The following TSEN2 variants were observed in gnomAD, a reference collection of about 807,000 sequenced individuals.
TSEN2 encodes the protein tRNA splicing endonuclease subunit 2.
A neutral mutation model predicts 59.2 loss-of-function variants in TSEN2; 54 were observed. The ratio of observed to expected loss-of-function variants is 0.91; its 90% confidence interval spans 0.73 to 1.14. TSEN2 has a LOEUF of 1.14. Ranked by LOEUF, TSEN2 falls within the 50% of genes most tolerant of loss-of-function variation. TSEN2 has a pLI of 0.00. For synonymous variants in TSEN2, 195 were observed against 198.2 expected (o/e 0.98, Z 0.14); for missense variants, 636 against 576.2 (o/e 1.10, Z -1.06).
rs571742651 is a variant in TSEN2, at chr3:12,501,932, A to G, written c.309-1330A>G. On this transcript the variant is annotated intron_variant, in intron 4 of 11. Transcript: ENST00000284995. The stretch of plus-strand genomic sequence containing the variant: ...AGCCTAGGCATGAATGCTTTGCCCT[A>G]TTGTTTTGCCTATAATTTTTTGTAA... Among the ~76,000 whole-genome samples the G allele has an allele frequency of 3.3e-5, 5 of 152,290 alleles. No individual in the cohort carries two copies. The East Asian group carries it at 5.8e-4, about 18-fold the overall frequency.
intron 3 of TSEN2, among the ~76,000 whole-genome samples, chr3:12,493,534 C>T (rs2053442181): frequency 6.6e-6 from 1 of 152,206 alleles, no homozygotes; most frequent in East Asian, 1.9e-4. Flanking sequence ...CGAGACTAGC[C>T]TGACCAAGAT....
At chr3:12,514,952 AAGTC>A (rs528424144) in intron 6 of TSEN2, 171 of 152,312 alleles carry the variant, frequency 1.1e-3, no homozygotes, top group African/African-American at 3.9e-3. Context: ...AATTTCCTGA[AAGTC>A]AGCTAGATTC....
At chr3:12,520,051 G>A (rs1034737017) in intron 8 of TSEN2, among the ~76,000 whole-genome samples, 4 of 150,996 alleles carry the variant, frequency 2.6e-5, no homozygotes, top group Non-Finnish European at 5.9e-5. Flanking sequence ...AGGCTGGAGT[G>A]CCAGTGGCAC....
intron 8 of TSEN2, among the ~76,000 whole-genome samples, chr3:12,520,020 C>T (rs1414508482): frequency 1.3e-4 from 20 of 149,578 alleles, no homozygotes; most frequent in Middle Eastern, 3.4e-3. Context: ...TTTTTTGAGA[C>T]GGAGTCTCGC....
At position 12,490,432 on chromosome 3, in the gene TSEN2, G is replaced by A. The variant is rs2124931147; in HGVS notation, c.189+443G>A. 2.0e-5 allele frequency among the ~76,000 whole-genome samples: 3 copies of A among 152,286 alleles called. No homozygotes were observed. In the South Asian group the frequency reaches 6.2e-4, roughly 32 times the overall value. ...ACGGATCAGATGGGGCTTTGGCATG[G>A]AGCTCCTTATCTGCTGCCTCCTGGT... is the stretch of plus-strand genomic sequence containing the variant. On this transcript the variant is annotated intron_variant, in intron 2 of 11. Coordinates refer to ENST00000284995, the MANE Select transcript of TSEN2 (RefSeq NM_025265.4).
Position 12,503,244 on chromosome 3 carries a change from A to C in TSEN2, c.309-18A>C. 2 of 1,614,134 alleles carry C rather than the reference A, an allele frequency of 1.2e-6. No individual in the cohort carries two copies. Among genetic ancestry groups the C allele is most frequent in the Non-Finnish European group, 1.7e-6 (2 of 1,180,014 alleles). ...TTGAAATTCGAGTGCTGTTTCTAAC[A>C]GTATTTCTGTCTTGCAGGTATCAGC... On this transcript the variant is annotated intron_variant, in intron 4 of 11. Transcript: ENST00000284995.
At position 12,532,581 on chromosome 3, in the gene TSEN2, G is replaced by A. The variant is rs1272368039; in HGVS notation, c.1339-81G>A. On this transcript the variant is annotated intron_variant, in intron 11 of 11. Coordinates refer to ENST00000284995, the MANE Select transcript of TSEN2 (RefSeq NM_025265.4). ...TTATATAGACCGCCCTTTGTGAAAT[G>A]TAGCTGTGGTGTCAGCTGTGGTGTC... 4 of 1,357,498 alleles carry A rather than the reference G, an allele frequency of 2.9e-6. No individual in the cohort carries two copies. The East Asian group carries it at 6.9e-5, about 23-fold the overall frequency. 84.1% of individuals were successfully genotyped at this position (1,357,498 alleles called of 1,614,324 possible).
At chr3:12,514,988 G>A (rs906683110) in intron 6 of TSEN2, 1 of 152,128 alleles carries the variant, frequency 6.6e-6, no homozygotes, top group Non-Finnish European at 1.5e-5. Context: ...TCTTGATTCA[G>A]TCTTGGGCCA....
In TSEN2 at chr3:12,532,704, G is replaced by C; in HGVS notation, c.1381G>C (p.Asp461His). ...SRWVSSRERSDQDDL is the reference protein window; with the variant it reads ...SRWVSSRERSHQDDL ...ATGGGTTTCTTCACGAGAGAGGAGT[G>C]ACCAAGACGATCTTTAACAATTCAA... The change falls in exon 12 of 12, where the codon GAC (aspartate) becomes CAC (histidine). Residue 461 changes from aspartate to histidine, a missense_variant. Physicochemically the swap from Asp to His is moderately conservative, Grantham distance 81. Coordinates refer to ENST00000284995, the MANE Select transcript of TSEN2 (RefSeq NM_025265.4). 6.2e-7 allele frequency: 1 copy of C among 1,614,084 alleles called. No individual in the cohort carries two copies. Among genetic ancestry groups the C allele is most frequent in the Non-Finnish European group, 8.5e-7 (1 of 1,180,008 alleles).
chr3:12,480,610 A>G (rs1164553110), upstream of TSEN2, among the ~76,000 whole-genome samples: 4 of 130,860 alleles, frequency 3.1e-5, no homozygotes, highest in Non-Finnish European at 6.1e-5. Context: ...CGCTCACTGT[A>G]ACCTCTGCCT....
At chr3:12,517,052 A>AT (rs2056196725) in intron 7 of TSEN2, among the ~76,000 whole-genome samples, 1 of 152,182 alleles carries the variant, frequency 6.6e-6, no homozygotes, top group African/African-American at 2.4e-5. Flanking sequence ...CCTGGTTAGA[A>AT]TTTGCAGATA....
intron 8 of TSEN2, among the ~76,000 whole-genome samples, chr3:12,526,597 C>T (rs2057102889): frequency 6.6e-6 from 1 of 152,202 alleles, no homozygotes; most frequent in African/African-American, 2.4e-5. Context: ...AGAACGTATC[C>T]TCATCATTAA....
intron 4 of TSEN2, among the ~76,000 whole-genome samples, chr3:12,500,579 A>G (rs1479442431): frequency 1.3e-5 from 2 of 152,218 alleles, no homozygotes; most frequent in African/African-American, 4.8e-5. Context: ...AGACATTTCC[A>G]TTCATTAACA....
chr3:12,485,525 G>T (rs948681078), intron 1 of TSEN2, among the ~76,000 whole-genome samples: 2 of 152,084 alleles, frequency 1.3e-5, no homozygotes, highest in Non-Finnish European at 2.9e-5. Flanking sequence ...GGGGCTACTG[G>T]GATTAAGTGA....
chr3:12,496,517 GAT>G lies in TSEN2; in HGVS notation c.274_275del (p.Met92GlufsTer15). The G allele has an allele frequency of 6.2e-7, 1 of 1,614,114 alleles. No homozygotes were observed. The highest frequency in any genetic ancestry group is 8.5e-7 in the Non-Finnish European group (1 of 1,180,032). ...AAACTAATAGAACTTCTTTGTTCCA[GAT>G]ATGAAGACAAACATGCCTATCATCA... ...SDPKLVAKWK[D>X]MKTNMPIITS... is the part of the protein sequence containing the mutation. On this transcript the variant is annotated frameshift_variant and splice_region_variant, in exon 4 of 12. Coordinates refer to ENST00000284995, the MANE Select transcript of TSEN2 (RefSeq NM_025265.4). LOFTEE classifies it high-confidence loss of function.
chr3:12,505,581 G>A (rs964036567), intron 6 of TSEN2: 1 of 252,176 alleles, frequency 4.0e-6, no homozygotes, highest in East Asian at 9.3e-5. Context: ...CTGAGGTCAG[G>A]AGTTCGAGAC....
intron 6 of TSEN2, among the ~76,000 whole-genome samples, chr3:12,511,889 A>T (rs2055506580): frequency 6.6e-6 from 1 of 152,334 alleles, no homozygotes; most frequent in Non-Finnish European, 1.5e-5. Context: ...TGAGATATGG[A>T]TAAGTTCTTC....
Position 12,532,751 on chromosome 3 carries a change from A to G in TSEN2, c.*30A>G, listed in dbSNP as rs2125265086. The stretch of plus-strand genomic sequence containing the variant: ...TCAACCTCAAATTTCTAATTTCACC[A>G]ACAACTATTTATTGAGGGCTAGGTA... On this transcript the variant is annotated 3_prime_UTR_variant, in exon 12 of 12. Coordinates refer to ENST00000284995, the MANE Select transcript of TSEN2 (RefSeq NM_025265.4). The G allele has an allele frequency of 6.2e-7, 1 of 1,610,978 alleles. No homozygotes were observed. The highest frequency in any genetic ancestry group is 1.3e-5 in the African/African-American group (1 of 74,990).
intron 10 of TSEN2, chr3:12,530,687 C>G: frequency 1.0e-6 from 1 of 985,304 alleles, no homozygotes; most frequent in Non-Finnish European, 1.2e-6. Context: ...TTAGCTTGGT[C>G]CTATAGAAAA....
Sources: gnomAD v4.1 joint callset for allele counts (sites outside exome capture counted in the v4.1 genomes callset) on GRCh38, gnomAD v4.1.1 for gene constraint, MANE v1.5 for transcripts, NCBI Gene and HGNC (gene_info 2026-07-23, HGNC 2026-07-21) for gene names.